The following EVA1C variants were observed in gnomAD, a reference collection of about 807,000 sequenced individuals.
EVA1C encodes the protein protein eva-1 homolog C.
Under a neutral mutation model 45.4 loss-of-function variants are expected in EVA1C, and 25 were observed. The ratio of observed to expected loss-of-function variants is 0.55; its 90% CI spans 0.40 to 0.77. The LOEUF is 0.77. Ranked by LOEUF, EVA1C falls within the 30% of genes least tolerant of loss-of-function variation. EVA1C has a pLI of 0.00. For missense variants in EVA1C, 479 were observed against 554.8 expected, an observed-to-expected ratio of 0.86 and a Z score of 1.37; for synonymous variants, 190 against 221.2, an observed-to-expected ratio of 0.86 and a Z score of 1.25.
chr21:32,476,124 G>T (rs1485002178), intron 4 of EVA1C, among the ~76,000 whole-genome samples: 1 of 151,602 alleles, frequency 6.6e-6, no homozygotes, highest in African/African-American at 2.4e-5. Context: ...TGCACACCTT[G>T]TCTCTCTAGC....
intron 3 of EVA1C, among the ~76,000 whole-genome samples, chr21:32,460,308 A>G (rs868399235): frequency 3.3e-4 from 50 of 152,124 alleles, no homozygotes; most frequent in African/African-American, 1.1e-3. Context: ...AGCACCTTTC[A>G]AGAGAGGCTT....
rs1305457202 is a variant in EVA1C at position 32,426,672 on chromosome 21, A to G, written c.160+13659A>G. Among the ~76,000 whole-genome samples, 3 of 152,230 alleles carry G rather than the reference A, an allele frequency of 2.0e-5. No homozygotes were observed. In the East Asian group the frequency reaches 5.8e-4, roughly 29 times the overall value. Reference sequence around the variant, plus strand: ...GGCTAAGCATCGTTTTACAGCCCACATCGAGAAGGAGGAGTCGACGGACTC... The same window carrying G: ...GGCTAAGCATCGTTTTACAGCCCACGTCGAGAAGGAGGAGTCGACGGACTC... On this transcript the variant is annotated intron_variant, in intron 1 of 7. Transcript: ENST00000300255.
intron 1 of EVA1C, among the ~76,000 whole-genome samples, chr21:32,450,503 GGACCACA>G: frequency 5.0e-5 from 1 of 19,810 alleles, no homozygotes. Context: ...TTTATTCCCC[GGACCACA>G]GTCCGGGAAT....
intron 7 of EVA1C, among the ~76,000 whole-genome samples, chr21:32,513,752 G>A (rs2038045093): frequency 6.6e-6 from 1 of 151,530 alleles, no homozygotes; most frequent in Admixed American, 6.6e-5. Context: ...TGTTGCCCAA[G>A]CTGGTCTTGA....
At chr21:32,429,031 TA>T (rs201401234) in intron 1 of EVA1C, among the ~76,000 whole-genome samples, 1 of 145,342 alleles carries the variant, frequency 6.9e-6, no homozygotes, top group African/African-American at 2.9e-5. Flanking sequence ...TTTATTTATT[TA>T]TTTTTTGAGA....
Position 32,501,525 on chromosome 21 carries a change from C to T in EVA1C, c.859+30C>T, listed in dbSNP as rs757057379. The stretch of plus-strand genomic sequence containing the variant: ...TTTTTATGGCTTACTACCAGCATTT[C>T]TCTTTAAGTAAAGGTAAACAGCCCC... On this transcript the variant is annotated intron_variant, in intron 6 of 7. Coordinates refer to ENST00000300255, the MANE Select transcript of EVA1C (RefSeq NM_058187.5). 7.5e-6 allele frequency: 12 copies of T among 1,591,754 alleles called. No homozygotes were observed. The Middle Eastern group carries it at 6.8e-4, about 90-fold the overall frequency.
intron 4 of EVA1C, among the ~76,000 whole-genome samples, chr21:32,476,974 G>C (rs1443854960): frequency 6.6e-6 from 1 of 152,166 alleles, no homozygotes; most frequent in African/African-American, 2.4e-5. Context: ...GAGGAGGTCA[G>C]TGTCGGCCAC....
intron 4 of EVA1C, among the ~76,000 whole-genome samples, chr21:32,489,958 C>T (rs946080462): frequency 4.6e-5 from 7 of 152,102 alleles, no homozygotes; most frequent in Non-Finnish European, 8.8e-5. Context: ...TGTGCCACCG[C>T]GCCTGGCTAA....
At chr21:32,478,863 A>G (rs1323874995) in intron 4 of EVA1C, among the ~76,000 whole-genome samples, 2 of 152,244 alleles carry the variant, frequency 1.3e-5, no homozygotes, top group African/African-American at 4.8e-5. Context: ...AAAACCACAC[A>G]ATAGGCCTCA....
chr21:32,486,719 C>T (rs2146372273), intron 4 of EVA1C, among the ~76,000 whole-genome samples: 1 of 152,248 alleles, frequency 6.6e-6, no homozygotes, highest in Middle Eastern at 3.4e-3. Flanking sequence ...ATGTGTAACA[C>T]TTATGTAGGT....
chr21:32,456,441 A>G (rs1443537527), intron 2 of EVA1C, among the ~76,000 whole-genome samples: 1 of 152,150 alleles, frequency 6.6e-6, no homozygotes, highest in Non-Finnish European at 1.5e-5. Context: ...TCATTTCACC[A>G]TGACCTTTGG....
intron 1 of EVA1C, among the ~76,000 whole-genome samples, chr21:32,431,489 T>C (rs1408277854): frequency 6.6e-6 from 1 of 152,236 alleles, no homozygotes; most frequent in East Asian, 1.9e-4. Flanking sequence ...CACATGCCAA[T>C]GTCTGCAGTT....
chr21:32,416,541 C>T (rs2034056452), intron 1 of EVA1C, among the ~76,000 whole-genome samples: 2 of 152,038 alleles, frequency 1.3e-5, no homozygotes, highest in African/African-American at 2.4e-5. Flanking sequence ...TTTGGCCAGG[C>T]TGGTCTCGAA....
intron 7 of EVA1C, among the ~76,000 whole-genome samples, chr21:32,505,004 T>G (rs1472711967): frequency 6.6e-6 from 1 of 152,016 alleles, no homozygotes; most frequent in Non-Finnish European, 1.5e-5. Context: ...GGAACTCCCC[T>G]TTATAAAACC....
chr21:32,466,336 A>G (rs953488195), intron 3 of EVA1C, among the ~76,000 whole-genome samples: 1 of 151,614 alleles, frequency 6.6e-6, no homozygotes, highest in African/African-American at 2.4e-5. Flanking sequence ...AGAGAATGGC[A>G]TGAACCTGGG....
chr21:32,416,886 G>A (rs2034069665), intron 1 of EVA1C, among the ~76,000 whole-genome samples: 1 of 152,204 alleles, frequency 6.6e-6, no homozygotes, highest in Admixed American at 6.5e-5. Context: ...CAAGGAGAGT[G>A]GGGCAGTCTT....
Position 32,492,815 on chromosome 21 carries a change from G to C in EVA1C, c.635-2212G>C, listed in dbSNP as rs189737044. ...CTGTTTCCCCAGCCCTGCAGCTTAAGATCTGAAACCATCCTTGGTCGGTCC... is the reference window on the plus strand; with the variant it reads ...CTGTTTCCCCAGCCCTGCAGCTTAACATCTGAAACCATCCTTGGTCGGTCC... On this transcript the variant is annotated intron_variant, in intron 4 of 7. Coordinates refer to ENST00000300255, the MANE Select transcript of EVA1C (RefSeq NM_058187.5). 2.2e-4 allele frequency among the ~76,000 whole-genome samples: 33 copies of C among 151,970 alleles called. No homozygotes were observed. The South Asian group carries it at 6.9e-3, about 32-fold the overall frequency.
Position 32,412,949 on chromosome 21 carries a change from G to T in EVA1C, c.96G>T (p.Leu32=). The change falls in exon 1 of 8, where the codon CTG becomes CTT. Residue 32 remains leucine (L), a synonymous_variant. Coordinates refer to ENST00000300255, the MANE Select transcript of EVA1C (RefSeq NM_058187.5). ...AGGTAGAGCCGCCGGGGCAGCTCCT[G>T]CGCCTCTTCTACTGCACTGTCCTGG... is the stretch of plus-strand genomic sequence containing the variant. The part of the protein sequence containing the change: ...RRQVEPPGQL[L]RLFYCTVLVC... 1 of 1,555,688 alleles carries T rather than the reference G, an allele frequency of 6.4e-7. No homozygotes were observed. Among genetic ancestry groups the T allele is most frequent in the African/African-American group, 1.4e-5 (1 of 71,012 alleles).
intron 6 of EVA1C, among the ~76,000 whole-genome samples, chr21:32,501,837 T>C (rs1376689114): frequency 2.0e-5 from 3 of 152,152 alleles, no homozygotes; most frequent in Admixed American, 6.5e-5. Context: ...GCTGAGCCCA[T>C]TGGAACCTGC....
Sources: allele counts gnomAD v4.1 joint callset (sites outside exome capture counted in the v4.1 genomes callset), GRCh38; gene constraint gnomAD v4.1.1; transcripts MANE v1.5; gene names NCBI Gene and HGNC (gene_info 2026-07-23, HGNC 2026-07-21).